GRIN2A: variants seen among roughly 807,000 people sequenced by gnomAD.
GRIN2A encodes glutamate ionotropic receptor NMDA type subunit 2A.
Under a neutral mutation model 113.4 loss-of-function variants are expected in GRIN2A, and 22 were observed. The observed-to-expected ratio is 0.19, with a 90% CI of 0.14 to 0.28. The LOEUF is 0.28. Among genes scored for constraint, GRIN2A ranks in the 10% least tolerant of loss-of-function variants. GRIN2A has a pLI of 1.00. For missense variants in GRIN2A, 1,502 were observed against 1,887.0 expected (o/e 0.80, Z 3.78); for synonymous variants, 827 against 738.4 (o/e 1.12, Z -1.94).
At chr16:9,931,139 G>C (rs2141608901) in intron 3 of GRIN2A, among the ~76,000 whole-genome samples, 1 of 152,198 alleles carries the variant, frequency 6.6e-6, no homozygotes, top group East Asian at 1.9e-4. Flanking sequence ...TCTTCTACTT[G>C]ATTTCCAGTG....
intron 2 of GRIN2A, among the ~76,000 whole-genome samples, chr16:10,108,780 T>C (rs2048548771): frequency 6.6e-6 from 1 of 152,170 alleles, no homozygotes; most frequent in Non-Finnish European, 1.5e-5. Context: ...GGCAGACTTA[T>C]TACTATTCTG....
intron 2 of GRIN2A, among the ~76,000 whole-genome samples, chr16:10,148,384 A>G (rs868301422): frequency 2.0e-5 from 3 of 152,206 alleles, no homozygotes; most frequent in Non-Finnish European, 4.4e-5. Context: ...AACTGACTCC[A>G]TTTTAAATGA....
intron 3 of GRIN2A, among the ~76,000 whole-genome samples, chr16:9,906,249 G>C (rs1334912446): frequency 1.3e-5 from 2 of 152,064 alleles, no homozygotes; most frequent in Admixed American, 1.3e-4. Flanking sequence ...CATGCTCCTT[G>C]GCAACTTTAA....
chr16:9,882,753 C>CATATCCCTG (rs2043505812), intron 4 of GRIN2A, among the ~76,000 whole-genome samples: 1 of 152,114 alleles, frequency 6.6e-6, no homozygotes, highest in Non-Finnish European at 1.5e-5. Context: ...TGCCTGCACT[C>CATATCCCTG]CAGCCTGGTA....
chr16:10,001,570 C>G (rs1002387728), intron 2 of GRIN2A, among the ~76,000 whole-genome samples: 1 of 152,210 alleles, frequency 6.6e-6, no homozygotes, highest in Non-Finnish European at 1.5e-5. Context: ...TGCCAACATT[C>G]CACAAGTGCT....
At chr16:10,071,591 G>A (rs2047751289) in intron 2 of GRIN2A, among the ~76,000 whole-genome samples, 1 of 152,216 alleles carries the variant, frequency 6.6e-6, no homozygotes, top group African/African-American at 2.4e-5. Context: ...GAAAGGGATT[G>A]GAGTGGAGTT....
intron 4 of GRIN2A, among the ~76,000 whole-genome samples, chr16:9,857,101 G>C (rs1418530870): frequency 1.3e-5 from 2 of 152,088 alleles, no homozygotes; most frequent in Non-Finnish European, 2.9e-5. Flanking sequence ...GGGTATTCTA[G>C]AAGATATCTG....
intron 2 of GRIN2A, among the ~76,000 whole-genome samples, chr16:10,008,093 T>C (rs2046436813): frequency 1.3e-5 from 2 of 152,074 alleles, no homozygotes; most frequent in South Asian, 2.1e-4. Flanking sequence ...CTTGAACATC[T>C]TGGGGGGAAG....
At chr16:9,936,205 A>G (rs2044711138) in intron 3 of GRIN2A, among the ~76,000 whole-genome samples, 1 of 152,162 alleles carries the variant, frequency 6.6e-6, no homozygotes, top group South Asian at 2.1e-4. Flanking sequence ...AGAAATTGCA[A>G]ATTCTCTGGG....
rs1479769511 is a variant in GRIN2A at position 9,987,347 on chromosome 16, C to A, written c.415-48796G>T. ...GGTGCATATGAAAGCCAACTCACTC[C>A]CATTTATAACTCAGAAACTATGGAA... On this transcript the variant is annotated intron_variant, in intron 2 of 12. Transcript: ENST00000330684. 2.0e-5 allele frequency among the ~76,000 whole-genome samples: 3 copies of A among 152,096 alleles called. No homozygotes were observed. The South Asian group carries it at 6.2e-4, about 32-fold the overall frequency.
At chr16:9,783,174 C>T (rs541228562) in intron 11 of GRIN2A, among the ~76,000 whole-genome samples, 1 of 152,220 alleles carries the variant, frequency 6.6e-6, no homozygotes, top group Admixed American at 6.5e-5. Context: ...CAAAAGTCAC[C>T]CACATACGTG....
chr16:9,954,792 A>C (rs1381312309), intron 2 of GRIN2A, among the ~76,000 whole-genome samples: 1 of 152,206 alleles, frequency 6.6e-6, no homozygotes, highest in Admixed American at 6.5e-5. Context: ...TCCTCTCCAG[A>C]CTTAAATGAA....
At chr16:9,977,932 G>A (rs17569609) in intron 2 of GRIN2A, among the ~76,000 whole-genome samples, 16,736 of 152,138 alleles carry the variant, frequency 0.11, 1,154 homozygotes, top group African/African-American at 0.17. Flanking sequence ...GCTTAACAAC[G>A]AAGATGAAGA....
intron 2 of GRIN2A, among the ~76,000 whole-genome samples, chr16:10,166,718 T>G (rs968713723): frequency 2.6e-5 from 4 of 152,174 alleles, no homozygotes; most frequent in African/African-American, 9.7e-5. Flanking sequence ...GAACATACAT[T>G]TGACCTGTGA....
chr16:9,917,703 C>T (rs1021452496), intron 3 of GRIN2A, among the ~76,000 whole-genome samples: 5 of 152,188 alleles, frequency 3.3e-5, no homozygotes, highest in African/African-American at 1.2e-4. Context: ...TTTTTAAAAA[C>T]TTCCTTTGGA....
chr16:9,952,376 C>T (rs566853262), intron 2 of GRIN2A, among the ~76,000 whole-genome samples: 20 of 152,070 alleles, frequency 1.3e-4, no homozygotes, highest in African/African-American at 4.6e-4. Flanking sequence ...GGACAGTGTA[C>T]AAAGACAGTG....
intron 4 of GRIN2A, among the ~76,000 whole-genome samples, chr16:9,877,449 G>A (rs2043389697): frequency 6.6e-6 from 1 of 152,054 alleles, no homozygotes; most frequent in South Asian, 2.1e-4. Context: ...CCAGTTGAAG[G>A]TGGGTCTTAC....
chr16:10,014,916 T>G (rs1239855052), intron 2 of GRIN2A, among the ~76,000 whole-genome samples: 1 of 152,104 alleles, frequency 6.6e-6, no homozygotes, highest in East Asian at 1.9e-4. Flanking sequence ...GATGAGTGAA[T>G]AGAAAAGCAG....
chr16:10,178,626 C>T (rs1235583258), intron 2 of GRIN2A, among the ~76,000 whole-genome samples: 1 of 152,166 alleles, frequency 6.6e-6, no homozygotes, highest in Non-Finnish European at 1.5e-5. Flanking sequence ...ATTCTGCTAG[C>T]CTGCAAATCA....
Sources: allele counts gnomAD v4.1 joint callset (sites outside exome capture counted in the v4.1 genomes callset), GRCh38; gene constraint gnomAD v4.1.1; transcripts MANE v1.5; gene names NCBI Gene and HGNC (gene_info 2026-07-23, HGNC 2026-07-21).